The following TRMT13 variants were observed in gnomAD, a reference collection of about 807,000 sequenced individuals.
TRMT13 encodes the protein tRNA:m(4)X modification enzyme TRM13 homolog.
TRMT13 carries 45 observed loss-of-function variants against 55.9 expected under a neutral mutation model. The observed-to-expected ratio is 0.80, with a 90% confidence interval of 0.63 to 1.03. The LOEUF is 1.03. TRMT13 is among the 50% of genes least tolerant of loss of function. The pLI, the probability that TRMT13 is intolerant of heterozygous loss-of-function variation, is 0.00. For missense variants in TRMT13, 513 were observed against 563.9 expected, an observed-to-expected ratio of 0.91 and a Z score of 0.91; for synonymous variants, 183 against 196.3, an observed-to-expected ratio of 0.93 and a Z score of 0.57.
rs1182702593 is a variant in TRMT13 at position 100,140,508 on chromosome 1, A to G, written c.495A>G (p.Lys165=). ...GCGATTCTGCAACCAAGCACCTGAA[A>G]CAGCAGGTATGTTTAGGCTATAGTA... is the stretch of plus-strand genomic sequence containing the variant. ...KNGDSATKHL[K]QQASILGNIE... The change falls in exon 6 of 11, where the codon AAA becomes AAG. Residue 165 remains lysine (K), a synonymous_variant. Transcript: ENST00000370141. 23 of 1,609,530 alleles carry G rather than the reference A, an allele frequency of 1.4e-5. No homozygotes were observed. The highest frequency in any genetic ancestry group is 2.0e-5 in the Non-Finnish European group (23 of 1,175,936).
intron 9 of TRMT13, among the ~76,000 whole-genome samples, chr1:100,145,570 TTCCACTTCTG>T: frequency 6.6e-6 from 1 of 152,334 alleles, no homozygotes; most frequent in South Asian, 2.1e-4. Context: ...CACAGTCTCC[TTCCACTTCTG>T]TCCTTAAAAT....
chr1:100,141,267 G>A (rs1656587492), intron 7 of TRMT13, among the ~76,000 whole-genome samples: 2 of 152,100 alleles, frequency 1.3e-5, no homozygotes, highest in African/African-American at 4.8e-5. Context: ...TATATAGAAA[G>A]AGCCAAGCTC....
chr1:100,136,551 TTTTC>T (rs1366288066), intron 1 of TRMT13, among the ~76,000 whole-genome samples: 4 of 152,222 alleles, frequency 2.6e-5, no homozygotes, highest in Non-Finnish European at 4.4e-5. Context: ...GGCAGCATTT[TTTTC>T]TTTCTTGGTT....
intron 3 of TRMT13, 125 bp downstream of exon 3, chr1:100,137,210 T>A (rs1009362410): frequency 6.3e-6 from 5 of 798,012 alleles, no homozygotes; most frequent in South Asian, 1.8e-5. Context: ...AATTTTTTTT[T>A]AAAGAGATAG....
intron 1 of TRMT13, among the ~76,000 whole-genome samples, chr1:100,134,875 C>G (rs1048853383): frequency 1.3e-5 from 2 of 152,176 alleles, no homozygotes; most frequent in Non-Finnish European, 2.9e-5. Flanking sequence ...TTATTGACTA[C>G]TATCTCGTTT....
chr1:100,137,171 T>C, intron 3 of TRMT13, 86 bp downstream of exon 3: 1 of 1,159,248 alleles, frequency 8.6e-7, no homozygotes, highest in African/African-American at 1.5e-5. Context: ...ACTTGTTTCA[T>C]AGCTGAGGAA....
intron 9 of TRMT13, among the ~76,000 whole-genome samples, chr1:100,147,109 T>C (rs1055886030): frequency 1.3e-5 from 2 of 152,190 alleles, no homozygotes; most frequent in Non-Finnish European, 2.9e-5. Context: ...TAAGAAGATA[T>C]GGGTCCTACA....
At chr1:100,137,733 A>G (rs1186499365) in intron 3 of TRMT13, among the ~76,000 whole-genome samples, 1 of 152,162 alleles carries the variant, frequency 6.6e-6, no homozygotes, top group African/African-American at 2.4e-5. Context: ...GACTTATGGG[A>G]GGATGTCTTG....
In TRMT13 at chr1:100,133,440, C is replaced by T. The variant is rs1570721377; in HGVS notation, c.147+125C>T. On this transcript the variant is annotated intron_variant, in intron 1 of 10. Coordinates refer to ENST00000370141, the MANE Select transcript of TRMT13 (RefSeq NM_019083.3). Reference sequence around the variant, plus strand: ...TGTCCCCTGGATTCTCCAGCTTTCACTTTAATAAACCCAGTTTTGCCCTCC... The same window carrying T: ...TGTCCCCTGGATTCTCCAGCTTTCATTTTAATAAACCCAGTTTTGCCCTCC... 9 of 1,191,166 alleles carry T rather than the reference C, an allele frequency of 7.6e-6. No individual in the cohort carries two copies. In the East Asian group the frequency reaches 2.4e-4, roughly 31 times the overall value. 73.8% of individuals were successfully genotyped at this position (1,191,166 alleles called of 1,614,324 possible).
At chr1:100,135,287 AATAGTCTTTTACATGGAGGTTAGG>A (rs1389245892) in intron 1 of TRMT13, among the ~76,000 whole-genome samples, 5 of 152,312 alleles carry the variant, frequency 3.3e-5, no homozygotes, top group African/African-American at 1.2e-4. Context: ...TGGGGGTTAG[AATAGTCTTTTACATGGAGGTTAGG>A]ATTTAAAGTC....
chr1:100,143,014 A>G, intron 7 of TRMT13, 123 bp from the exon 8 acceptor site: 2 of 621,190 alleles, frequency 3.2e-6, no homozygotes, highest in South Asian at 4.3e-5. Flanking sequence ...AAGAATGTAC[A>G]ATCTTAATTT....
At chr1:100,145,797 A>AGAGTCT (rs1480734950) in intron 9 of TRMT13, among the ~76,000 whole-genome samples, 1 of 152,166 alleles carries the variant, frequency 6.6e-6, no homozygotes, top group Non-Finnish European at 1.5e-5. Flanking sequence ...CTTGAGCCTA[A>AGAGTCT]GAGTCTGAGT....
intron 1 of TRMT13, among the ~76,000 whole-genome samples, chr1:100,135,298 A>G (rs1172765107): frequency 6.6e-6 from 1 of 152,122 alleles, no homozygotes; most frequent in African/African-American, 2.4e-5. Context: ...ATAGTCTTTT[A>G]CATGGAGGTT....
rs368086760 is a variant in TRMT13, at chr1:100,137,136, T to A, written c.261+51T>A. Reference sequence around the variant, plus strand: ...ATGGTGAAATGTGGTATGTAATGCCTTGGTAGATGCTGCACATGGAATGTA... The same window carrying A: ...ATGGTGAAATGTGGTATGTAATGCCATGGTAGATGCTGCACATGGAATGTA... On this transcript the variant is annotated intron_variant, in intron 3 of 10. Coordinates refer to ENST00000370141, the MANE Select transcript of TRMT13 (RefSeq NM_019083.3). 4 of 1,416,076 alleles carry A rather than the reference T, an allele frequency of 2.8e-6. No homozygotes were observed. The African/African-American group carries it at 5.7e-5, about 20-fold the overall frequency. The allele number at this position is 1,416,076 out of a possible 1,614,324, so 87.7% of individuals were successfully genotyped here. A position where few individuals can be genotyped will look rare whatever the true frequency, so the allele number is the denominator to read the frequency against.
At chr1:100,146,247 G>A (rs368437220) in intron 9 of TRMT13, among the ~76,000 whole-genome samples, 22 of 152,188 alleles carry the variant, frequency 1.4e-4, no homozygotes, top group African/African-American at 5.3e-4. Flanking sequence ...TTTTTACCTT[G>A]TGGTATTTTA....
rs186242175 is a variant in TRMT13 at position 100,148,221 on chromosome 1, C to T, written c.1145C>T (p.Thr382Ile). The change falls in exon 10 of 11, where the codon ACC (threonine) becomes ATC (isoleucine). Residue 382 changes from threonine to isoleucine, a missense_variant. By Grantham distance (89) the Thr-to-Ile change is moderately conservative. Around this residue, in one of 3 missense-constraint regions of TRMT13, gnomAD observed 209 missense variants for 255.8 expected, o/e 0.82. Transcript: ENST00000370141. ...GGGATGCGGAAAACATCTTTGGAAA[C>T]CTCAAATAGTACCACAAAGAGGCAA... ...TCGMRKTSLE[T>I]SNSTTKRQDN... 2 of 1,614,094 alleles carry T rather than the reference C, an allele frequency of 1.2e-6. No individual in the cohort carries two copies. Among genetic ancestry groups the T allele is most frequent in the African/African-American group, 2.7e-5 (2 of 74,994 alleles).
chr1:100,148,452 ATATACACATC>A, intron 10 of TRMT13, 126 bp downstream of exon 10: 1 of 1,134,240 alleles, frequency 8.8e-7, no homozygotes, highest in African/African-American at 1.6e-5. Context: ...ATAAGCTAAA[ATATACACATC>A]TTTTATTGTG....
In TRMT13 at chr1:100,149,158, A is replaced by G; in HGVS notation, c.*338A>G. 4 of 1,557,424 alleles carry G rather than the reference A, an allele frequency of 2.6e-6. No individual in the cohort carries two copies. The highest frequency in any genetic ancestry group is 3.5e-6 in the Non-Finnish European group (4 of 1,159,378). Reference sequence around the variant, plus strand: ...GTATTTCTGTTTGTATTAATTTTGGAAATTTATCTTCCTTTGATTTTATTT... The same window carrying G: ...GTATTTCTGTTTGTATTAATTTTGGGAATTTATCTTCCTTTGATTTTATTT... On this transcript the variant is annotated 3_prime_UTR_variant, in exon 11 of 11. Transcript: ENST00000370141.
intron 9 of TRMT13, among the ~76,000 whole-genome samples, chr1:100,147,533 A>G (rs1370338649): frequency 6.6e-6 from 1 of 152,128 alleles, no homozygotes; most frequent in East Asian, 1.9e-4. Flanking sequence ...TTAAACTAGA[A>G]TGTAAGTGTA....
Sources: allele counts gnomAD v4.1 joint callset (sites outside exome capture counted in the v4.1 genomes callset), GRCh38; gene constraint gnomAD v4.1.1; regional missense constraint gnomAD v4.1.1; transcripts MANE v1.5; gene names NCBI Gene and HGNC (gene_info 2026-07-23, HGNC 2026-07-21).